The following GLB1 variants were observed in gnomAD, a reference collection of about 807,000 sequenced individuals.
GLB1 encodes galactosidase beta 1.
Under a neutral mutation model 74.0 loss-of-function variants are expected in GLB1, and 56 were observed. The observed-to-expected ratio is 0.76, with a 90% CI of 0.61 to 0.94. GLB1 has a LOEUF of 0.94. GLB1 is among the 40% of genes least tolerant of loss of function. The pLI is 0.00. For synonymous variants in GLB1, 323 were observed against 323.6 expected, an observed-to-expected ratio of 1.00 and a Z score of 0.02; for missense variants, 787 against 845.5, an observed-to-expected ratio of 0.93 and a Z score of 0.86.
At position 33,046,024 on chromosome 3, in the gene GLB1, G is replaced by A. The variant is rs933394934; in HGVS notation, c.1068+96C>T. The A allele has an allele frequency of 2.1e-6, 3 of 1,445,958 alleles. No homozygotes were observed. In the South Asian group the frequency reaches 3.6e-5, roughly 17 times the overall value. The allele number at this position is 1,445,958 out of a possible 1,614,324, so 89.6% of individuals were successfully genotyped here. ...TCCCTTCATCCATCCTTTTAAACAG[G>A]AGGGCTCCAGGCAGGAAGTTGTCCA... On this transcript the variant is annotated intron_variant, in intron 10 of 15. Transcript: ENST00000307363.
Position 33,037,277 on chromosome 3 carries a change from C to A in GLB1, c.1068+8843G>T, listed in dbSNP as rs913398022. On this transcript the variant is annotated intron_variant, in intron 10 of 15. Coordinates refer to ENST00000307363, the MANE Select transcript of GLB1 (RefSeq NM_000404.4). ...GCCAGGCTGGTCTCGAACTCCTGAC[C>A]TTAGGTGATCTGCCTGCCTCGGCCT... Among the ~76,000 whole-genome samples the A allele has an allele frequency of 5.3e-5, 8 of 152,146 alleles. 1 individual carries two copies. The highest frequency in any genetic ancestry group is 5.2e-4 in the Admixed American group (8 of 15,282).
the GLB1 span, among the ~76,000 whole-genome samples, chr3:32,978,030 G>A: frequency 2.0e-5 from 3 of 152,194 alleles, no homozygotes; most frequent in Admixed American, 1.3e-4. Flanking sequence ...GCTAACCATT[G>A]TTTAGTGATC....
the GLB1 span, among the ~76,000 whole-genome samples, chr3:32,977,866 T>G: frequency 6.6e-6 from 1 of 152,192 alleles, no homozygotes; most frequent in African/African-American, 2.4e-5. Context: ...GTTCTATTCA[T>G]GTCCTCTTCT....
intron 1 of GLB1, among the ~76,000 whole-genome samples, chr3:33,096,014 G>C (rs1489910086): frequency 6.6e-6 from 1 of 152,184 alleles, no homozygotes; most frequent in African/African-American, 2.4e-5. Flanking sequence ...CTTGGTTGTA[G>C]ATAAATGTAC....
intron 1 of GLB1, among the ~76,000 whole-genome samples, chr3:33,085,001 G>C (rs1330278504): frequency 6.6e-6 from 1 of 152,208 alleles, no homozygotes; most frequent in African/African-American, 2.4e-5. Flanking sequence ...AACAGGCTGG[G>C]TGCAGTGGCT....
At chr3:32,962,426 T>C in the GLB1 span, among the ~76,000 whole-genome samples, 2 of 150,736 alleles carry the variant, frequency 1.3e-5, no homozygotes, top group Non-Finnish European at 2.9e-5. Context: ...GTGCAGTAAA[T>C]GGGAACTTTC....
chr3:33,051,995 C>G lies in GLB1; in HGVS notation c.802G>C (p.Glu268Gln). 2.5e-6 allele frequency: 4 copies of G among 1,614,130 alleles called. No individual in the cohort carries two copies. Among genetic ancestry groups the G allele is most frequent in the Non-Finnish European group, 3.4e-6 (4 of 1,180,040 alleles). Residue 268 changes from glutamate to glutamine, a missense_variant, in exon 8 of 16, where the codon GAA (glutamate) becomes CAA (glutamine). Physicochemically the swap from Glu to Gln is conservative, Grantham distance 29. Coordinates refer to ENST00000307363, the MANE Select transcript of GLB1 (RefSeq NM_000404.4). ...TGATCTAGCCAGCCAGTATAGAATTCAGAATTGATCTAAAACAAAAAAAGA... is the reference window on the plus strand; with the variant it reads ...TGATCTAGCCAGCCAGTATAGAATTGAGAATTGATCTAAAACAAAAAAAGA... Reference protein sequence around the residue: ...CEPKGPLINSEFYTGWLDHWG... With the variant: ...CEPKGPLINSQFYTGWLDHWG...
Position 33,042,389 on chromosome 3 carries a change from T to C in GLB1, c.1068+3731A>G, listed in dbSNP as rs543351141. ...CTCCTCCTTTTTTTTTTTTTTTTTT[T>C]CCAAGTCTCGCTCTGTCGCCCAGGC... On this transcript the variant is annotated intron_variant, in intron 10 of 15. Coordinates refer to ENST00000307363, the MANE Select transcript of GLB1 (RefSeq NM_000404.4). 9.2e-3 allele frequency among the ~76,000 whole-genome samples: 1,343 copies of C among 146,636 alleles called. 52 individuals are homozygous for C. Among genetic ancestry groups the C allele is most frequent in the African/African-American group, 0.032 (1,270 of 39,524 alleles).
rs969012295 is a variant in GLB1, at chr3:33,078,585, T to C, written c.76-5872A>G. ...TAAGCCAAATCCAAAATGTGGGACA[T>C]TTTAAAAGTCCAATGATTCAGTTGT... On this transcript the variant is annotated intron_variant, in intron 1 of 15. Coordinates refer to ENST00000307363, the MANE Select transcript of GLB1 (RefSeq NM_000404.4). 5.3e-5 allele frequency among the ~76,000 whole-genome samples: 8 copies of C among 152,320 alleles called. No homozygotes were observed. The East Asian group carries it at 1.2e-3, about 22-fold the overall frequency.
intron 1 of GLB1, among the ~76,000 whole-genome samples, chr3:33,089,576 A>T (rs933421486): frequency 1.3e-5 from 2 of 152,234 alleles, no homozygotes; most frequent in Non-Finnish European, 2.9e-5. Context: ...ACTGTAGTCC[A>T]GCCTTAAAAA....
intron 4 of GLB1, among the ~76,000 whole-genome samples, chr3:33,065,834 G>A (rs999432393): frequency 5.9e-5 from 9 of 152,130 alleles, no homozygotes; most frequent in African/African-American, 2.2e-4. Flanking sequence ...AGGCTTGGTG[G>A]CGCATGCCTG....
chr3:32,961,307 T>A, the GLB1 span, among the ~76,000 whole-genome samples: 10,603 of 152,244 alleles, frequency 0.07, 789 homozygotes, highest in African/African-American at 0.19. Context: ...CCAAAGCAGC[T>A]GAGATCAGGT....
chr3:32,993,762 CT>C (rs1367491545), downstream of GLB1, among the ~76,000 whole-genome samples: 1 of 151,968 alleles, frequency 6.6e-6, no homozygotes, highest in African/African-American at 2.4e-5. Flanking sequence ...TCTCGAACTC[CT>C]GACCTCAGGT....
intron 9 of GLB1, among the ~76,000 whole-genome samples, chr3:33,046,610 T>G (rs576205676): frequency 6.6e-6 from 1 of 152,274 alleles, no homozygotes; most frequent in Non-Finnish European, 1.5e-5. Context: ...CTCTGACTGT[T>G]AATCCTGTCA....
intron 15 of GLB1, among the ~76,000 whole-genome samples, chr3:33,002,627 T>C (rs2125449121): frequency 6.6e-6 from 1 of 152,276 alleles, no homozygotes; most frequent in South Asian, 2.1e-4. Flanking sequence ...TAGGCTTGTC[T>C]CAAACTCCTG....
At chr3:32,982,563 G>A in the GLB1 span, among the ~76,000 whole-genome samples, 2 of 151,976 alleles carry the variant, frequency 1.3e-5, no homozygotes, top group African/African-American at 4.8e-5. Flanking sequence ...TATTTCTATT[G>A]TTCCTGTCTT....
intron 5 of GLB1, among the ~76,000 whole-genome samples, chr3:33,064,547 C>A (rs1190507775): frequency 6.7e-6 from 1 of 149,522 alleles, no homozygotes; most frequent in Non-Finnish European, 1.5e-5. Context: ...AAGGCCAAGG[C>A]GGGCAGATCA....
intron 10 of GLB1, among the ~76,000 whole-genome samples, chr3:33,028,984 G>GT (rs1455150417): frequency 6.6e-6 from 1 of 152,074 alleles, no homozygotes; most frequent in African/African-American, 2.4e-5. Flanking sequence ...AATTTTCTAT[G>GT]TAGATCTTGA....
intron 10 of GLB1, among the ~76,000 whole-genome samples, chr3:33,043,822 AATG>A (rs1698626886): frequency 8.2e-6 from 1 of 121,794 alleles, no homozygotes; most frequent in Non-Finnish European, 2.0e-5. Flanking sequence ...AAATGGTGTT[AATG>A]AATAACAGAC....
Sources: gnomAD v4.1 joint callset for allele counts (sites outside exome capture counted in the v4.1 genomes callset) on GRCh38, gnomAD v4.1.1 for gene constraint, MANE v1.5 for transcripts, NCBI Gene and HGNC (gene_info 2026-07-23, HGNC 2026-07-21) for gene names.